Variants in LINC00632 observed in about 807,000 individuals in gnomAD.
The protein encoded by LINC00632 is ALDOA related specific transcript.
intron 2 of LINC00632, among the ~76,000 whole-genome samples, chrX:140,732,401 T>C (rs1251381491): frequency 9.0e-6 from 1 of 111,346 alleles, no homozygotes; most frequent in Non-Finnish European, 1.9e-5. Flanking sequence ...TATCTATAGA[T>C]AATACCTACC....
At chrX:140,756,406 T>C (rs894537621) in intron 3 of LINC00632, among the ~76,000 whole-genome samples, 2 of 112,320 alleles carry the variant, frequency 1.8e-5, no homozygotes, top group Admixed American at 9.5e-5. Context: ...TGCCAATTAA[T>C]AAAGCCAAGT....
At chrX:140,728,432 G>T (rs1238568203) in intron 2 of LINC00632, among the ~76,000 whole-genome samples, 1 of 108,919 alleles carries the variant, frequency 9.2e-6, no homozygotes, top group Non-Finnish European at 1.9e-5. Flanking sequence ...CAATGCAAAT[G>T]CCCCACAAAA....
In LINC00632 at chrX:140,772,735, C is replaced by T; in HGVS notation, n.849C>T. ...GAATCACTGAGAAAATCATACACAA[C>T]TCAAAATGCCACAATAGGGAAAATA... On this transcript the variant is annotated non_coding_transcript_exon_variant, in exon 4 of 5. Transcript: ENST00000648200. The T allele has an allele frequency of 4.0e-5, 5 of 125,711 alleles. 1 individual carries two copies. The South Asian group carries it at 1.8e-3, about 46-fold the overall frequency. 10.4% of individuals were successfully genotyped at this position (125,711 alleles called of 1,213,427 possible).
intron 3 of LINC00632, among the ~76,000 whole-genome samples, chrX:140,771,679 A>ATTT (rs1208342979): frequency 6.8e-4 from 39 of 56,937 alleles, no homozygotes; most frequent in East Asian, 1.3e-3. Flanking sequence ...ATATATATAT[A>ATTT]TATATATTTT....
chrX:140,781,022 C>T (rs1838130440), exon 5 of LINC00632, among the ~76,000 whole-genome samples: 2 of 110,704 alleles, frequency 1.8e-5, no homozygotes, highest in African/African-American at 3.3e-5. Flanking sequence ...GATTCCAATA[C>T]CTCCTGGTTC....
chrX:140,790,983 C>CTAT (rs1431929055), exon 5 of LINC00632, among the ~76,000 whole-genome samples: 1 of 111,115 alleles, frequency 9.0e-6, no homozygotes, highest in Admixed American at 9.6e-5. Context: ...ATGTTTGTAT[C>CTAT]TATTTTTTTT....
intron 2 of LINC00632, among the ~76,000 whole-genome samples, chrX:140,724,659 C>T (rs1317857803): frequency 2.8e-5 from 2 of 71,870 alleles, no homozygotes; most frequent in African/African-American, 9.9e-5. Flanking sequence ...CACAGAGACA[C>T]GTTCCATGCC....
chrX:140,781,178 G>A (rs971867704), exon 5 of LINC00632, among the ~76,000 whole-genome samples: 1 of 111,128 alleles, frequency 9.0e-6, no homozygotes, highest in African/African-American at 3.3e-5. Context: ...GACTTCCTCA[G>A]CTTTATCTAA....
At chrX:140,736,880 TTC>T (rs1931153271) in intron 3 of LINC00632, among the ~76,000 whole-genome samples, 1 of 109,108 alleles carries the variant, frequency 9.2e-6, no homozygotes, top group Non-Finnish European at 1.9e-5. Flanking sequence ...TGATGCTTTT[TTC>T]TTTTTTCTTT....
At chrX:140,743,257 A>G (rs919779082) in intron 3 of LINC00632, among the ~76,000 whole-genome samples, 4 of 101,868 alleles carry the variant, frequency 3.9e-5, no homozygotes, top group African/African-American at 1.1e-4. Context: ...AAAAAAAAAA[A>G]AAAGAAATAG....
intron 3 of LINC00632, among the ~76,000 whole-genome samples, chrX:140,759,324 CCTTCCTTCCTTCCTTCCTTCCTTTCTTT>C (rs1249079662): frequency 4.5e-4 from 33 of 72,703 alleles, no homozygotes; most frequent in African/African-American, 7.6e-4. Flanking sequence ...TTCCTTCCTT[CCTTCCTTCCTTCCTTCCTTCCTTTCTTT>C]CTTTCTTTCT....
intron 3 of LINC00632, among the ~76,000 whole-genome samples, chrX:140,765,228 TATACGCC>T (rs1931668101): frequency 9.0e-6 from 1 of 111,260 alleles, no homozygotes; most frequent in Non-Finnish European, 1.9e-5. Context: ...TTTCGTTGTG[TATACGCC>T]TTCCTGGTTG....
exon 5 of LINC00632, among the ~76,000 whole-genome samples, chrX:140,787,230 G>A (rs1201497118): frequency 9.0e-6 from 1 of 111,050 alleles, no homozygotes; most frequent in East Asian, 2.8e-4. Flanking sequence ...ATCACTGTAA[G>A]GATTTTCGTG....
At chrX:140,781,801 AT>A (rs1931938531) in exon 5 of LINC00632, among the ~76,000 whole-genome samples, 2 of 111,974 alleles carry the variant, frequency 1.8e-5, no homozygotes, top group South Asian at 7.5e-4. Context: ...CAGCACAGCC[AT>A]CCCCATTCAT....
intron 2 of LINC00632, among the ~76,000 whole-genome samples, chrX:140,729,580 A>G (rs1644778107): frequency 9.0e-6 from 1 of 110,928 alleles, no homozygotes; most frequent in African/African-American, 3.3e-5. Context: ...GACATGCCCT[A>G]CAATGTGAGG....
At chrX:140,790,109 G>A (rs967236077) in exon 5 of LINC00632, among the ~76,000 whole-genome samples, 4 of 111,003 alleles carry the variant, frequency 3.6e-5, no homozygotes, top group African/African-American at 1.3e-4. Flanking sequence ...TTGAACTCTT[G>A]GGCCAAAGAG....
chrX:140,756,251 C>A (rs764764061), intron 3 of LINC00632, among the ~76,000 whole-genome samples: 104 of 112,026 alleles, frequency 9.3e-4, no homozygotes, highest in African/African-American at 3.2e-3. Flanking sequence ...CATTGTCATA[C>A]TACAGTCATA....
chrX:140,787,922 T>C lies in LINC00632; in HGVS notation n.15941T>C, dbSNP rs756551295. ...TCCCAAAAAGAAAATGGATAAATCA[T>C]GGTATATTTCACGTAAAATATTATA... On this transcript the variant is annotated non_coding_transcript_exon_variant, in exon 5 of 5. Coordinates refer to ENST00000648200, the Ensembl canonical transcript of LINC00632. 2.7e-4 allele frequency among the ~76,000 whole-genome samples: 30 copies of C among 110,738 alleles called. 1 individual carries two copies. In the Admixed American group the frequency reaches 2.8e-3, roughly 10 times the overall value.
intron 2 of LINC00632, among the ~76,000 whole-genome samples, chrX:140,726,135 A>G (rs73590145): frequency 0.11 from 12,078 of 110,583 alleles, 1,018 homozygotes; most frequent in African/African-American, 0.29. Context: ...CCACAAAGAC[A>G]TGCTCCATAG....
Sources: gnomAD v4.1 joint callset for allele counts (sites outside exome capture counted in the v4.1 genomes callset) on GRCh38, gnomAD v4.1.1 for gene constraint, MANE v1.5 for transcripts, NCBI Gene and HGNC (gene_info 2026-07-23, HGNC 2026-07-21) for gene names.